CHRM3: variants seen among roughly 807,000 people sequenced by gnomAD.
CHRM3 encodes cholinergic receptor muscarinic 3, also known as muscarinic acetylcholine receptor M3.
A neutral mutation model predicts 41.8 loss-of-function variants in CHRM3; 11 were observed. That is an observed-to-expected ratio of 0.26 (90% confidence interval 0.17 to 0.44). CHRM3 has a LOEUF of 0.44. Among genes scored for constraint, CHRM3 ranks in the 20% least tolerant of loss-of-function variants. The pLI is 1.00. For missense variants in CHRM3, 571 were observed against 745.4 expected (o/e 0.77, Z 2.72); for synonymous variants, 297 against 301.4 (o/e 0.99, Z 0.15).
chr1:239,467,535 C>T (rs963780637), intron 1 of CHRM3, among the ~76,000 whole-genome samples: 2 of 152,114 alleles, frequency 1.3e-5, no homozygotes, highest in African/African-American at 2.4e-5. Context: ...CTCCTCACCT[C>T]GTGATCCGCC....
chr1:239,556,230 A>C (rs1455660142), intron 3 of CHRM3, among the ~76,000 whole-genome samples: 1 of 152,176 alleles, frequency 6.6e-6, no homozygotes, highest in Non-Finnish European at 1.5e-5. Context: ...TCCCAAATCA[A>C]GATTATTCAA....
chr1:239,866,912 G>A (rs1016883329), intron 6 of CHRM3, among the ~76,000 whole-genome samples: 2 of 152,128 alleles, frequency 1.3e-5, no homozygotes, highest in Non-Finnish European at 2.9e-5. Context: ...TAGATACCAC[G>A]ATGCACAATT....
At chr1:239,635,504 C>T (rs1670367853) in intron 4 of CHRM3, among the ~76,000 whole-genome samples, 2 of 152,180 alleles carry the variant, frequency 1.3e-5, no homozygotes, top group South Asian at 4.1e-4. Flanking sequence ...CTACTTGACC[C>T]TTCCAGTCAA....
rs1669936499 is a variant in CHRM3, at chr1:239,632,259, G to A, written c.-277G>A. 2 of 152,186 alleles carry A rather than the reference G, an allele frequency of 1.3e-5. No individual in the cohort carries two copies. Among genetic ancestry groups the A allele is most frequent in the South Asian group, 4.1e-4 (2 of 4,836 alleles). The allele number at this position is 152,186 out of a possible 1,614,324, so 9.4% of individuals were successfully genotyped here. On this transcript the variant is annotated 5_prime_UTR_variant, in exon 4 of 7. Transcript: ENST00000676153. ...CTGATTAGTGGCCAAATAAATGACA[G>A]TCAGAACTTCAGCTAAGGTACAATA...
rs67460907 is a variant in CHRM3 at position 239,793,803 on chromosome 1, A to ATTTTTTTT, written c.-146-33431_-146-33424dup. Among the ~76,000 whole-genome samples, 412 of 69,488 alleles carry ATTTTTTTT rather than the reference A, an allele frequency of 5.9e-3. 50 individuals carry two copies. Among genetic ancestry groups the ATTTTTTTT allele is most frequent in the East Asian group, 0.013 (29 of 2,228 alleles). The allele number at this position is 69,488 out of a possible 152,430, so 45.6% of individuals were successfully genotyped here. A position where few individuals can be genotyped will look rare whatever the true frequency, so the allele number is the denominator to read the frequency against. ...TGAACTTGTCAGAAATGAAATGTGT[A>ATTTTTTTT]TTTTTTTTTTTTTTTTTTTTTTTTT... On this transcript the variant is annotated intron_variant, in intron 5 of 6. Coordinates refer to ENST00000676153, the MANE Select transcript of CHRM3 (RefSeq NM_001375978.1).
chr1:239,670,767 A>T (rs1311040294), intron 4 of CHRM3, among the ~76,000 whole-genome samples: 1 of 89,140 alleles, frequency 1.1e-5, no homozygotes, highest in African/African-American at 4.6e-5. Context: ...ACCTCAGGTG[A>T]TCTACCCCCC....
At chr1:239,712,190 T>C (rs112891900) in intron 5 of CHRM3, among the ~76,000 whole-genome samples, 1,959 of 152,098 alleles carry the variant, frequency 0.013, 54 homozygotes, top group African/African-American at 0.045. Flanking sequence ...AAAAAATAAT[T>C]TTATTCACTA....
At chr1:239,509,369 A>G (rs1177406711) in intron 2 of CHRM3, among the ~76,000 whole-genome samples, 1 of 152,206 alleles carries the variant, frequency 6.6e-6, no homozygotes, top group Non-Finnish European at 1.5e-5. Context: ...AATAACCAAT[A>G]ATATGCTATT....
At chr1:239,564,935 A>G (rs1661208409) in intron 3 of CHRM3, among the ~76,000 whole-genome samples, 1 of 152,150 alleles carries the variant, frequency 6.6e-6, no homozygotes, top group Non-Finnish European at 1.5e-5. Context: ...AGAGGCCAAA[A>G]TCAAGCTTTT....
intron 1 of CHRM3, among the ~76,000 whole-genome samples, chr1:239,395,813 T>C (rs1659431137): frequency 6.6e-6 from 1 of 152,214 alleles, no homozygotes; most frequent in South Asian, 2.1e-4. Context: ...TTGCCTTTGA[T>C]CCATTTTACA....
chr1:239,437,058 C>G (rs776963237), intron 1 of CHRM3, among the ~76,000 whole-genome samples: 2 of 152,120 alleles, frequency 1.3e-5, no homozygotes, highest in Non-Finnish European at 2.9e-5. Context: ...TGTTTATAAT[C>G]TAGTGGGTAA....
chr1:239,576,590 A>G (rs1029884054), intron 3 of CHRM3, among the ~76,000 whole-genome samples: 2 of 115,544 alleles, frequency 1.7e-5, no homozygotes, highest in African/African-American at 2.8e-5. Flanking sequence ...ACACACACAC[A>G]CACGCACACA....
At chr1:239,845,463 A>C (rs1674185249) in intron 6 of CHRM3, among the ~76,000 whole-genome samples, 1 of 152,204 alleles carries the variant, frequency 6.6e-6, no homozygotes, top group Non-Finnish European at 1.5e-5. Flanking sequence ...CTGAATCCAC[A>C]GGTTGAAAGT....
At chr1:239,438,325 A>G (rs2103230644) in intron 1 of CHRM3, among the ~76,000 whole-genome samples, 1 of 152,304 alleles carries the variant, frequency 6.6e-6, no homozygotes, top group African/African-American at 2.4e-5. Flanking sequence ...CACACACTCA[A>G]GTAAAGCTAG....
chr1:239,524,862 A>G (rs761565720), intron 2 of CHRM3, among the ~76,000 whole-genome samples: 87 of 152,156 alleles, frequency 5.7e-4, no homozygotes, highest in Non-Finnish European at 1.1e-3. Context: ...GTTTAAAGAT[A>G]TCTAATTATA....
chr1:239,416,232 T>G lies in CHRM3; in HGVS notation c.-521+29005T>G, dbSNP rs148290989. ...ACTACTTTTTATCAGGTTTGATCAC[T>G]GATTTTCTCCTAACGTTTAGATTCA... On this transcript the variant is annotated intron_variant, in intron 1 of 6. Coordinates refer to ENST00000676153, the MANE Select transcript of CHRM3 (RefSeq NM_001375978.1). Among the ~76,000 whole-genome samples the G allele has an allele frequency of 1.4e-3, 216 of 152,306 alleles. 1 individual carries two copies. Among genetic ancestry groups the G allele is most frequent in the African/African-American group, 4.9e-3 (203 of 41,578 alleles).
At chr1:239,710,761 A>G (rs1340167551) in intron 5 of CHRM3, among the ~76,000 whole-genome samples, 1 of 152,028 alleles carries the variant, frequency 6.6e-6, no homozygotes, top group Admixed American at 6.6e-5. Flanking sequence ...AAAGAAAATA[A>G]GTATAGGCTT....
intron 5 of CHRM3, among the ~76,000 whole-genome samples, chr1:239,680,823 G>A (rs745586882): frequency 2.4e-4 from 37 of 152,058 alleles, no homozygotes; most frequent in African/African-American, 8.0e-4. Context: ...TTTGAACTGC[G>A]GAGGAGACTT....
rs180707435 is a variant in CHRM3 at position 239,571,224 on chromosome 1, C to T, written c.-313+25475C>T. 1.2e-4 allele frequency among the ~76,000 whole-genome samples: 18 copies of T among 152,212 alleles called. No homozygotes were observed. The East Asian group carries it at 1.5e-3, about 13-fold the overall frequency. On this transcript the variant is annotated intron_variant, in intron 3 of 6. Coordinates refer to ENST00000676153, the MANE Select transcript of CHRM3 (RefSeq NM_001375978.1). ...GTAATGCAAAAGTGGACAAGCATCA[C>T]CTTCCCACTACACCTTCCAACCAGC... is the stretch of plus-strand genomic sequence containing the variant.
Sources: gnomAD v4.1 joint callset for allele counts (sites outside exome capture counted in the v4.1 genomes callset) on GRCh38, gnomAD v4.1.1 for gene constraint, MANE v1.5 for transcripts, NCBI Gene and HGNC (gene_info 2026-07-23, HGNC 2026-07-21) for gene names.